The following TUSC3 variants were observed in gnomAD, a reference collection of about 807,000 sequenced individuals.
The protein encoded by TUSC3 is tumor suppressor candidate 3.
TUSC3 carries 45 observed loss-of-function variants against 44.8 expected under a neutral mutation model. The ratio of observed to expected loss-of-function variants is 1.00; its 90% CI spans 0.79 to 1.29. The LOEUF (loss-of-function observed/expected upper bound fraction) is 1.29, where lower values mean the gene tolerates loss of function less well. Among genes scored for constraint, TUSC3 ranks in the 50% most tolerant of loss-of-function variants. The pLI, the probability that TUSC3 is intolerant of heterozygous loss-of-function variation, is 0.00. For missense variants in TUSC3, 519 were observed against 437.9 expected, an observed-to-expected ratio of 1.19 and a Z score of -1.65; for synonymous variants, 212 against 152.9, an observed-to-expected ratio of 1.39 and a Z score of -2.85.
intron 1 of TUSC3, among the ~76,000 whole-genome samples, chr8:15,431,039 T>C (rs1360606767): frequency 2.0e-5 from 3 of 151,744 alleles, no homozygotes; most frequent in African/African-American, 7.3e-5. Flanking sequence ...TCCACTGGTA[T>C]ATGTATCAGT....
At chr8:15,797,217 G>C in the TUSC3 span, among the ~76,000 whole-genome samples, 5 of 152,330 alleles carry the variant, frequency 3.3e-5, no homozygotes, top group African/African-American at 1.2e-4. Context: ...GCTTTCAGTG[G>C]AGACTGTTGG....
intron 6 of TUSC3, among the ~76,000 whole-genome samples, chr8:15,728,320 A>C (rs939184361): frequency 3.3e-5 from 5 of 152,146 alleles, no homozygotes; most frequent in Non-Finnish European, 7.3e-5. Context: ...GAGTGGCTGG[A>C]TCAGACAAAT....
At chr8:15,518,760 G>A (rs913392250) in intron 2 of TUSC3, among the ~76,000 whole-genome samples, 1 of 152,056 alleles carries the variant, frequency 6.6e-6, no homozygotes, top group African/African-American at 2.4e-5. Flanking sequence ...GTACTTAAAG[G>A]AGCATTTAAA....
intron 1 of TUSC3, among the ~76,000 whole-genome samples, chr8:15,469,023 C>A (rs1800450746): frequency 6.6e-6 from 1 of 151,828 alleles, no homozygotes. Context: ...CACACAAATT[C>A]TCTCAGAACG....
At chr8:15,688,557 C>T (rs1041212527) in intron 6 of TUSC3, among the ~76,000 whole-genome samples, 13 of 151,842 alleles carry the variant, frequency 8.6e-5, no homozygotes, top group African/African-American at 2.9e-4. Context: ...GCATAGTACC[C>T]GATGGGTAGT....
intron 1 of TUSC3, among the ~76,000 whole-genome samples, chr8:15,419,510 A>G (rs954584169): frequency 6.6e-6 from 1 of 152,232 alleles, no homozygotes; most frequent in Non-Finnish European, 1.5e-5. Context: ...CATGTGCCAA[A>G]TTTGATGTGG....
chr8:15,515,709 C>T (rs1276988835), intron 2 of TUSC3, among the ~76,000 whole-genome samples: 5 of 151,960 alleles, frequency 3.3e-5, no homozygotes, highest in Non-Finnish European at 1.5e-5. Flanking sequence ...ACTCTGTCAC[C>T]CAGACTGGAG....
At chr8:15,424,668 C>T (rs985040253) in intron 1 of TUSC3, among the ~76,000 whole-genome samples, 2 of 152,084 alleles carry the variant, frequency 1.3e-5, no homozygotes, top group Non-Finnish European at 2.9e-5. Context: ...ATCACGAGGT[C>T]AGGAGATCGA....
chr8:15,440,852 T>C (rs1368988748), intron 1 of TUSC3, among the ~76,000 whole-genome samples: 1 of 152,158 alleles, frequency 6.6e-6, no homozygotes, highest in Non-Finnish European at 1.5e-5. Context: ...AGGTTGGAGA[T>C]GCTAGCAACT....
intron 1 of TUSC3, among the ~76,000 whole-genome samples, chr8:15,454,543 C>G (rs76588319): frequency 0.013 from 2,007 of 152,258 alleles, 44 homozygotes; most frequent in African/African-American, 0.046. Context: ...AACTAGTTTC[C>G]AGCTCGCTAT....
At chr8:15,661,852 A>G (rs970415982) in intron 4 of TUSC3, among the ~76,000 whole-genome samples, 2 of 151,970 alleles carry the variant, frequency 1.3e-5, no homozygotes, top group Non-Finnish European at 2.9e-5. Context: ...AGAAAACCCA[A>G]TTCAAAATGG....
chr8:15,460,921 G>T (rs1800336528), intron 1 of TUSC3, among the ~76,000 whole-genome samples: 1 of 152,132 alleles, frequency 6.6e-6, no homozygotes, highest in Admixed American at 6.5e-5. Flanking sequence ...CCCTGTTTTG[G>T]TGAGTATGGC....
At chr8:15,469,532 T>G (rs750727848) in intron 1 of TUSC3, among the ~76,000 whole-genome samples, 1 of 152,246 alleles carries the variant, frequency 6.6e-6, no homozygotes, top group East Asian at 1.9e-4. Flanking sequence ...ACAGAAGTTC[T>G]TTCATTGCTG....
downstream of TUSC3, among the ~76,000 whole-genome samples, chr8:15,767,584 T>G (rs138671556): frequency 3.0e-4 from 45 of 152,270 alleles, no homozygotes; most frequent in Non-Finnish European, 5.6e-4. Context: ...TTATCTTAAT[T>G]CACCCTCTTT....
At chr8:15,689,861 T>A (rs1431144971) in intron 6 of TUSC3, among the ~76,000 whole-genome samples, 52 of 39,064 alleles carry the variant, frequency 1.3e-3, no homozygotes, top group African/African-American at 3.4e-3. Flanking sequence ...TGTGTGTGTG[T>A]GTATAAATAT....
the TUSC3 span, among the ~76,000 whole-genome samples, chr8:15,779,198 G>C: frequency 6.6e-6 from 1 of 150,518 alleles, no homozygotes; most frequent in African/African-American, 2.5e-5. Context: ...GTAGTATCGG[G>C]GAAACCCCAT....
chr8:15,848,833 G>A, the TUSC3 span, among the ~76,000 whole-genome samples: 2 of 152,206 alleles, frequency 1.3e-5, no homozygotes, highest in South Asian at 2.1e-4. Context: ...TTAAAACAAG[G>A]AGGTTGAATT....
chr8:15,582,329 G>C (rs1011995459), intron 1 of TUSC3, among the ~76,000 whole-genome samples: 9 of 152,212 alleles, frequency 5.9e-5, no homozygotes, highest in African/African-American at 2.2e-4. Flanking sequence ...ATCTTCCTCT[G>C]CTTTTTCTGT....
intron 2 of TUSC3, among the ~76,000 whole-genome samples, chr8:15,500,921 C>T (rs561968056): frequency 6.6e-6 from 1 of 152,292 alleles, no homozygotes; most frequent in Non-Finnish European, 1.5e-5. Flanking sequence ...AACATAATAA[C>T]TTTAAATTCT....
Sources: allele counts gnomAD v4.1 joint callset (sites outside exome capture counted in the v4.1 genomes callset), GRCh38; gene constraint gnomAD v4.1.1; transcripts MANE v1.5; gene names NCBI Gene and HGNC (gene_info 2026-07-23, HGNC 2026-07-21).